RNF150: variants seen among roughly 807,000 people sequenced by gnomAD.
RNF150 encodes the protein ring finger protein 150.
RNF150 carries 24 observed loss-of-function variants against 39.3 expected under a neutral mutation model. That is an observed-to-expected ratio of 0.61 (90% confidence interval 0.44 to 0.86). RNF150 has a LOEUF of 0.86. RNF150 is among the 40% of genes least tolerant of loss of function. The pLI is 0.00. For synonymous variants in RNF150, 255 were observed against 227.3 expected (o/e 1.12, Z -1.10); for missense variants, 502 against 587.8 (o/e 0.85, Z 1.51).
chr4:141,192,109 G>A (rs1394308347), intron 1 of RNF150, among the ~76,000 whole-genome samples: 1 of 152,174 alleles, frequency 6.6e-6, no homozygotes, highest in Admixed American at 6.5e-5. Context: ...CTAAGTGCTT[G>A]TTTCTTGGTT....
chr4:141,198,512 AG>A (rs777380979), intron 1 of RNF150, among the ~76,000 whole-genome samples: 2 of 152,234 alleles, frequency 1.3e-5, no homozygotes, highest in East Asian at 1.9e-4. Flanking sequence ...CTGACCTAAA[AG>A]GTGAACATAT....
intron 1 of RNF150, among the ~76,000 whole-genome samples, chr4:140,999,991 GAA>G (rs1306281865): frequency 0.13 from 4,106 of 31,160 alleles, 971 homozygotes; most frequent in Admixed American, 0.28. Flanking sequence ...AAGAAAAGAA[GAA>G]AAGAAGAAGA....
intron 2 of RNF150, among the ~76,000 whole-genome samples, chr4:140,965,420 C>A (rs574409176): frequency 1.3e-5 from 2 of 152,234 alleles, no homozygotes; most frequent in Admixed American, 6.6e-5. Flanking sequence ...AAACCACCAC[C>A]TTGGAAAGAT....
chr4:141,032,031 C>T (rs973502420), intron 1 of RNF150, among the ~76,000 whole-genome samples: 2 of 151,562 alleles, frequency 1.3e-5, no homozygotes, highest in Non-Finnish European at 2.9e-5. Context: ...TATATATACA[C>T]ACATATATAT....
chr4:140,991,740 T>C (rs188698245), intron 1 of RNF150, among the ~76,000 whole-genome samples: 20 of 152,298 alleles, frequency 1.3e-4, no homozygotes, highest in East Asian at 3.9e-4. Flanking sequence ...ATATTCTATA[T>C]GAAATTTTAC....
At position 141,106,234 on chromosome 4, in the gene RNF150, C is replaced by T. The variant is rs988829637; in HGVS notation, c.484+26091G>A. ...AATAATATCACATATCCACTGTACCCTTGTCAGTTGTTTCTTTCCTCCCTA... is the reference window on the plus strand; with the variant it reads ...AATAATATCACATATCCACTGTACCTTTGTCAGTTGTTTCTTTCCTCCCTA... On this transcript the variant is annotated intron_variant, in intron 1 of 6. Coordinates refer to ENST00000515673, the MANE Select transcript of RNF150 (RefSeq NM_020724.2). 3.3e-5 allele frequency among the ~76,000 whole-genome samples: 5 copies of T among 152,166 alleles called. No individual in the cohort carries two copies. In the East Asian group the frequency reaches 9.6e-4, roughly 29 times the overall value.
chr4:141,033,612 C>G (rs1445315975), intron 1 of RNF150, among the ~76,000 whole-genome samples: 1 of 152,154 alleles, frequency 6.6e-6, no homozygotes, highest in Non-Finnish European at 1.5e-5. Flanking sequence ...GGCAGCGATA[C>G]CTTAAAAAAT....
At chr4:141,135,223 A>C (rs1426228206), upstream of RNF150, among the ~76,000 whole-genome samples, 3 of 152,270 alleles carry the variant, frequency 2.0e-5, no homozygotes, top group Non-Finnish European at 4.4e-5. Context: ...TTCAAAAACT[A>C]TATGTATATA....
intron 1 of RNF150, among the ~76,000 whole-genome samples, chr4:140,985,833 C>T (rs1258545090): frequency 6.6e-6 from 1 of 151,826 alleles, no homozygotes; most frequent in Non-Finnish European, 1.5e-5. Context: ...AAAAATGTGG[C>T]CACCTAAAAA....
intron 1 of RNF150, among the ~76,000 whole-genome samples, chr4:141,139,314 C>A (rs1375443111): frequency 6.6e-6 from 1 of 152,254 alleles, no homozygotes; most frequent in East Asian, 1.9e-4. Flanking sequence ...GGGCTCCTCC[C>A]ATCAAGTTTA....
intron 2 of RNF150, among the ~76,000 whole-genome samples, chr4:140,964,987 A>C (rs1016695686): frequency 3.9e-5 from 6 of 152,232 alleles, no homozygotes; most frequent in African/African-American, 1.4e-4. Flanking sequence ...AATGCCAGTT[A>C]TAAAAATGGT....
intron 6 of RNF150, among the ~76,000 whole-genome samples, 189 bp from the exon 7 acceptor site, chr4:140,868,568 A>G (rs13131706): frequency 6.6e-6 from 1 of 152,250 alleles, no homozygotes; most frequent in Non-Finnish European, 1.5e-5. Flanking sequence ...TGCAAACAAA[A>G]GAAACTAGAA....
intron 6 of RNF150, among the ~76,000 whole-genome samples, chr4:140,906,290 A>G (rs1730369960): frequency 1.3e-5 from 2 of 152,110 alleles, no homozygotes; most frequent in South Asian, 4.2e-4. Flanking sequence ...ACCACCTACC[A>G]TGGCTCAAAA....
chr4:141,014,633 A>G (rs1199971749), intron 1 of RNF150, among the ~76,000 whole-genome samples: 2 of 75,170 alleles, frequency 2.7e-5, no homozygotes, highest in African/African-American at 6.0e-5. Flanking sequence ...CACATTTGCA[A>G]CTCTTCTTTT....
intron 1 of RNF150, among the ~76,000 whole-genome samples, chr4:141,097,536 G>A (rs542884978): frequency 1.3e-5 from 2 of 151,674 alleles, no homozygotes; most frequent in Non-Finnish European, 2.9e-5. Context: ...ATAATGGTGG[G>A]CCTTAAAATT....
At chr4:140,923,688 A>C (rs1214582440) in intron 5 of RNF150, among the ~76,000 whole-genome samples, 5 of 152,232 alleles carry the variant, frequency 3.3e-5, no homozygotes, top group Admixed American at 6.5e-5. Flanking sequence ...TTATTGCAGC[A>C]CTATTCACAA....
At chr4:141,208,274 GA>G (rs1728407570) in intron 1 of RNF150, among the ~76,000 whole-genome samples, 1 of 152,184 alleles carries the variant, frequency 6.6e-6, no homozygotes, top group African/African-American at 2.4e-5. Context: ...GAAGAGCACA[GA>G]AGGAGAAATA....
chr4:140,957,377 T>C (rs1436887789), intron 2 of RNF150, among the ~76,000 whole-genome samples: 4 of 151,878 alleles, frequency 2.6e-5, no homozygotes, highest in Non-Finnish European at 5.9e-5. Flanking sequence ...GTTAGAATGG[T>C]GATCATTAAA....
intron 1 of RNF150, among the ~76,000 whole-genome samples, chr4:141,117,742 C>G (rs1278979992): frequency 6.6e-6 from 1 of 152,180 alleles, no homozygotes; most frequent in East Asian, 1.9e-4. Context: ...GTCTGTGAAG[C>G]AAGTGAAGTA....
Sources: gnomAD v4.1 joint callset for allele counts (sites outside exome capture counted in the v4.1 genomes callset) on GRCh38, gnomAD v4.1.1 for gene constraint, MANE v1.5 for transcripts, NCBI Gene and HGNC (gene_info 2026-07-23, HGNC 2026-07-21) for gene names.